Variants in LINGO2 observed in about 807,000 individuals in gnomAD.
LINGO2 encodes the protein leucine-rich repeat and immunoglobulin-like domain-containing nogo receptor-interacting protein 2.
In LINGO2, 14 loss-of-function variants were observed where a neutral mutation model predicts 30.6. The ratio of observed to expected loss-of-function variants is 0.46; its 90% confidence interval spans 0.30 to 0.72. The LOEUF (loss-of-function observed/expected upper bound fraction) is 0.72, where lower values mean the gene tolerates loss of function less well. Ranked by LOEUF, LINGO2 falls within the 30% of genes least tolerant of loss-of-function variation. The pLI is 0.07. For missense variants in LINGO2, 729 were observed against 751.7 expected (o/e 0.97, Z 0.35); for synonymous variants, 317 against 288.5 (o/e 1.10, Z -1.00).
At chr9:28,357,246 T>C (rs1007616116) in intron 3 of LINGO2, among the ~76,000 whole-genome samples, 1 of 150,260 alleles carries the variant, frequency 6.7e-6, no homozygotes, top group Non-Finnish European at 1.5e-5. Flanking sequence ...ATCTGCCAAA[T>C]GGAAACAGTT....
At chr9:28,207,993 T>G (rs908499807) in intron 4 of LINGO2, among the ~76,000 whole-genome samples, 1 of 152,084 alleles carries the variant, frequency 6.6e-6, no homozygotes, top group Non-Finnish European at 1.5e-5. Context: ...TTTTGGCTTA[T>G]GTGAATATTA....
At chr9:28,930,580 T>C in the LINGO2 span, among the ~76,000 whole-genome samples, 1 of 152,212 alleles carries the variant, frequency 6.6e-6, no homozygotes, top group Admixed American at 6.5e-5. This position sits in a 1 kb window ranked among gnomAD's most constrained non-coding sequence, Gnocchi z 4.2. Flanking sequence ...CGACCAGTTC[T>C]TCCCCTAAGC....
the LINGO2 span, among the ~76,000 whole-genome samples, chr9:28,714,092 G>C: frequency 4.6e-5 from 7 of 151,184 alleles, no homozygotes; most frequent in African/African-American, 1.7e-4. Context: ...CTGGGAGGTG[G>C]AGGTTGCAGT....
At chr9:28,922,436 G>C in the LINGO2 span, among the ~76,000 whole-genome samples, 16 of 152,220 alleles carry the variant, frequency 1.1e-4, no homozygotes, top group African/African-American at 3.6e-4. Flanking sequence ...GTTTCAATGA[G>C]TTATTTAAGG....
chr9:28,575,933 C>CAG (rs1823960190), intron 1 of LINGO2, among the ~76,000 whole-genome samples: 1 of 151,590 alleles, frequency 6.6e-6, no homozygotes, highest in Non-Finnish European at 1.5e-5. Flanking sequence ...GAAATACACA[C>CAG]ACACACACAC....
At chr9:29,168,175 AT>A in the LINGO2 span, among the ~76,000 whole-genome samples, 2 of 151,936 alleles carry the variant, frequency 1.3e-5, no homozygotes, top group South Asian at 4.2e-4. Flanking sequence ...AAATCATGTA[AT>A]TTTTTAGACC....
chr9:28,990,402 C>T, the LINGO2 span, among the ~76,000 whole-genome samples: 2 of 152,228 alleles, frequency 1.3e-5, no homozygotes, highest in Admixed American at 6.5e-5. Context: ...CTACCTGCCT[C>T]TGTAGGCTCC....
chr9:29,189,846 C>T, the LINGO2 span, among the ~76,000 whole-genome samples: 88 of 151,778 alleles, frequency 5.8e-4, no homozygotes, highest in African/African-American at 2.0e-3. Flanking sequence ...CCCGTCTCCA[C>T]CAAAAAAATA....
intron 2 of LINGO2, among the ~76,000 whole-genome samples, chr9:28,416,772 A>T (rs1822983070): frequency 6.6e-6 from 1 of 152,192 alleles, no homozygotes; most frequent in South Asian, 2.1e-4. Context: ...GAGTATAAGA[A>T]GACGCTTTTA....
At chr9:28,982,043 G>C in the LINGO2 span, among the ~76,000 whole-genome samples, 2 of 152,046 alleles carry the variant, frequency 1.3e-5, no homozygotes, top group Admixed American at 1.3e-4. Flanking sequence ...AGATATATAA[G>C]TATGATATGG....
chr9:28,994,857 C>A, the LINGO2 span, among the ~76,000 whole-genome samples: 1 of 152,116 alleles, frequency 6.6e-6, no homozygotes, highest in African/African-American at 2.4e-5. Flanking sequence ...ACACCTTATA[C>A]AAAAATTAAT....
chr9:28,516,365 A>T (rs959235529), intron 1 of LINGO2, among the ~76,000 whole-genome samples: 1 of 152,196 alleles, frequency 6.6e-6, no homozygotes, highest in Admixed American at 6.5e-5. Flanking sequence ...AACTACATTT[A>T]AGTTTTAACA....
At chr9:28,767,594 G>A in the LINGO2 span, among the ~76,000 whole-genome samples, 5 of 151,780 alleles carry the variant, frequency 3.3e-5, no homozygotes, top group Admixed American at 3.3e-4. Context: ...GACCATCCTG[G>A]CTAACACAGT....
At chr9:27,951,410 A>C (rs1313007052) in intron 5 of LINGO2, among the ~76,000 whole-genome samples, 1 of 152,222 alleles carries the variant, frequency 6.6e-6, no homozygotes, top group Admixed American at 6.5e-5. Flanking sequence ...ATGAGGCAGA[A>C]TCAAGGTACA....
the LINGO2 span, among the ~76,000 whole-genome samples, chr9:28,779,605 T>C: frequency 2.0e-5 from 3 of 152,126 alleles, no homozygotes; most frequent in Non-Finnish European, 4.4e-5. Flanking sequence ...GCCACATTCA[T>C]GGTTAGAGGA....
the LINGO2 span, among the ~76,000 whole-genome samples, chr9:28,898,658 C>G: frequency 6.6e-6 from 1 of 151,986 alleles, no homozygotes; most frequent in African/African-American, 2.4e-5. Context: ...ATGGGAGTTG[C>G]TTTCTCTCCA....
chr9:28,524,607 G>C (rs144547858), intron 1 of LINGO2, among the ~76,000 whole-genome samples: 128 of 152,204 alleles, frequency 8.4e-4, no homozygotes, highest in Non-Finnish European at 1.4e-3. Context: ...CAAAAAATTA[G>C]CCAGGCATGG....
the LINGO2 span, among the ~76,000 whole-genome samples, chr9:28,878,188 C>T: frequency 1.3e-5 from 2 of 152,102 alleles, no homozygotes; most frequent in East Asian, 3.9e-4. Context: ...TACAATCTAC[C>T]ATCAGAGAAT....
At chr9:29,084,673 G>A in the LINGO2 span, among the ~76,000 whole-genome samples, 552 of 151,954 alleles carry the variant, frequency 3.6e-3, 2 homozygotes, top group African/African-American at 0.013. Context: ...ATCTCTCTTA[G>A]AAAGCCCTTC....
Sources: allele counts gnomAD v4.1 joint callset (sites outside exome capture counted in the v4.1 genomes callset), GRCh38; gene constraint gnomAD v4.1.1; non-coding constraint Gnocchi (gnomAD v3.1); transcripts MANE v1.5; gene names NCBI Gene and HGNC (gene_info 2026-07-23, HGNC 2026-07-21).